Variants in NKAIN2 observed in about 807,000 individuals in gnomAD.
NKAIN2 encodes the protein sodium/potassium transporting ATPase interacting 2.
NKAIN2 carries 14 observed loss-of-function variants against 32.6 expected under a neutral mutation model. That is an observed-to-expected ratio of 0.43 (90% CI 0.28 to 0.67). The LOEUF is 0.67. NKAIN2 is among the 30% of genes least tolerant of loss of function. The probability of loss-of-function intolerance (pLI) is 0.17; values close to 1 mark genes in which losing one functional copy is unlikely to be tolerated. For synonymous variants in NKAIN2, 80 were observed against 87.2 expected (o/e 0.92, Z 0.46); for missense variants, 198 against 258.3 (o/e 0.77, Z 1.60).
intron 3 of NKAIN2, among the ~76,000 whole-genome samples, chr6:124,571,744 T>C (rs1323208256): frequency 1.3e-5 from 2 of 152,198 alleles, no homozygotes; most frequent in Admixed American, 6.5e-5. Flanking sequence ...CCTCTCCAGC[T>C]CTAGAGATTT....
chr6:124,482,601 A>C (rs1244340989), intron 3 of NKAIN2, among the ~76,000 whole-genome samples: 2 of 152,222 alleles, frequency 1.3e-5, no homozygotes, highest in Non-Finnish European at 2.9e-5. Context: ...CTAAGGGAGA[A>C]TATGACTTGC....
intron 4 of NKAIN2, among the ~76,000 whole-genome samples, chr6:124,781,468 C>G (rs566332131): frequency 6.6e-6 from 1 of 152,102 alleles, no homozygotes; most frequent in Admixed American, 6.6e-5. Context: ...TACCTCCCAG[C>G]TGTTACCAGG....
At chr6:124,223,460 C>T (rs1026429741) in intron 1 of NKAIN2, among the ~76,000 whole-genome samples, 3 of 152,012 alleles carry the variant, frequency 2.0e-5, no homozygotes, top group Non-Finnish European at 4.4e-5. Context: ...GGGTTTCTAC[C>T]ATTGGGTGTC....
At chr6:124,662,224 A>G (rs148996772) in intron 4 of NKAIN2, among the ~76,000 whole-genome samples, 56 of 152,312 alleles carry the variant, frequency 3.7e-4, no homozygotes, top group Non-Finnish European at 6.9e-4. Flanking sequence ...TTTATTATGC[A>G]CATATTATAC....
In NKAIN2 at chr6:124,823,373, A is replaced by C. The variant is rs1781469768; in HGVS notation, c.*144A>C. On this transcript the variant is annotated 3_prime_UTR_variant, in exon 7 of 7. Transcript: ENST00000368417. ...AAACAAATGCAAAGCCTCTACATAC[A>C]ACACTGACACACACACACACACACA... 6 of 667,060 alleles carry C rather than the reference A, an allele frequency of 9.0e-6. No homozygotes were observed. The South Asian group carries it at 9.3e-5, about 10-fold the overall frequency. 41.3% of individuals were successfully genotyped at this position (667,060 alleles called of 1,614,324 possible).
At chr6:124,785,620 A>T (rs1043655873) in intron 4 of NKAIN2, among the ~76,000 whole-genome samples, 4 of 152,110 alleles carry the variant, frequency 2.6e-5, no homozygotes, top group African/African-American at 9.7e-5. Context: ...GTTCCCACTT[A>T]GCCTCCATTG....
rs530054707 is a variant in NKAIN2 at position 124,017,657 on chromosome 6, TA to T, written c.54+213406del. Among the ~76,000 whole-genome samples the T allele has an allele frequency of 2.0e-5, 3 of 152,236 alleles. No homozygotes were observed. The South Asian group carries it at 6.2e-4, about 32-fold the overall frequency. Reference sequence around the variant, plus strand: ...GAAATCCAGTGGGGCAGTCAAATCTTAAAGCTCCAAAATGATGTCCTTTGAT... The same window carrying T: ...GAAATCCAGTGGGGCAGTCAAATCTTAAGCTCCAAAATGATGTCCTTTGAT... On this transcript the variant is annotated intron_variant, in intron 1 of 6. Coordinates refer to ENST00000368417, the MANE Select transcript of NKAIN2 (RefSeq NM_001040214.3).
intron 4 of NKAIN2, among the ~76,000 whole-genome samples, chr6:124,691,880 GTT>G (rs550551798): frequency 6.6e-6 from 1 of 151,948 alleles, no homozygotes; most frequent in East Asian, 1.9e-4. Flanking sequence ...TTACAATATA[GTT>G]TTTTTTGACG....
rs917601331 is a variant in NKAIN2, at chr6:123,860,901, A to G, written c.54+56647A>G. The stretch of plus-strand genomic sequence containing the variant: ...TTGAGAAAGCCTACCAGAAATATCA[A>G]CTCCATTTTCAGAATGCCCGCAGTA... On this transcript the variant is annotated intron_variant, in intron 1 of 6. Transcript: ENST00000368417. Among the ~76,000 whole-genome samples, 4 of 151,856 alleles carry G rather than the reference A, an allele frequency of 2.6e-5. No individual in the cohort carries two copies. In the South Asian group the frequency reaches 8.3e-4, roughly 32 times the overall value.
At chr6:124,323,121 T>C (rs1036310720) in intron 2 of NKAIN2, among the ~76,000 whole-genome samples, 1 of 152,194 alleles carries the variant, frequency 6.6e-6, no homozygotes, top group African/African-American at 2.4e-5. Context: ...TGAATTGTAT[T>C]GTCTGGTTTT....
At chr6:124,815,782 T>G (rs1211491159) in intron 5 of NKAIN2, among the ~76,000 whole-genome samples, 1 of 152,198 alleles carries the variant, frequency 6.6e-6, no homozygotes, top group East Asian at 1.9e-4. Flanking sequence ...TGTCTTCTCT[T>G]TCTGCTATGC....
At chr6:124,187,507 G>C (rs1789804862) in intron 1 of NKAIN2, among the ~76,000 whole-genome samples, 1 of 152,034 alleles carries the variant, frequency 6.6e-6, no homozygotes. Context: ...CATATTTTTG[G>C]TCTTATCCTA....
At chr6:124,394,533 G>GATT (rs1773290744) in intron 3 of NKAIN2, among the ~76,000 whole-genome samples, 1 of 150,380 alleles carries the variant, frequency 6.6e-6, no homozygotes. Context: ...CAGACAGATA[G>GATT]ATACATAGAC....
intron 3 of NKAIN2, among the ~76,000 whole-genome samples, chr6:124,480,190 AT>A (rs1198259763): frequency 6.6e-6 from 1 of 151,694 alleles, no homozygotes; most frequent in Admixed American, 6.6e-5. Context: ...ATTCTTTTTT[AT>A]TTTTTTATTT....
intron 3 of NKAIN2, among the ~76,000 whole-genome samples, chr6:124,369,926 G>T (rs2114319336): frequency 9.0e-6 from 1 of 110,568 alleles, no homozygotes; most frequent in Non-Finnish European, 1.7e-5. Context: ...TGGGACAATT[G>T]ATGCTTTGAT....
intron 2 of NKAIN2, among the ~76,000 whole-genome samples, chr6:124,314,209 A>G (rs922711520): frequency 4.6e-5 from 7 of 152,044 alleles, no homozygotes; most frequent in African/African-American, 1.4e-4. Context: ...ATTCTTCCTC[A>G]ACATCCATTA....
intron 5 of NKAIN2, among the ~76,000 whole-genome samples, chr6:124,801,259 T>A (rs549424152): frequency 6.6e-6 from 1 of 152,316 alleles, no homozygotes; most frequent in South Asian, 2.1e-4. Context: ...TTTTTTTCAT[T>A]CATTATGCCT....
intron 1 of NKAIN2, among the ~76,000 whole-genome samples, chr6:124,243,486 C>G (rs887059913): frequency 6.6e-6 from 1 of 151,454 alleles, no homozygotes; most frequent in Admixed American, 6.6e-5. Flanking sequence ...CAGAACAAGA[C>G]CCCGTCTCAA....
intron 3 of NKAIN2, among the ~76,000 whole-genome samples, chr6:124,420,977 A>G (rs921527829): frequency 1.1e-4 from 17 of 151,722 alleles, no homozygotes; most frequent in Non-Finnish European, 1.9e-4. Context: ...GTGATATAAA[A>G]TGCACTTCCT....
Sources: allele counts gnomAD v4.1 joint callset (sites outside exome capture counted in the v4.1 genomes callset), GRCh38; gene constraint gnomAD v4.1.1; transcripts MANE v1.5; gene names NCBI Gene and HGNC (gene_info 2026-07-23, HGNC 2026-07-21).